WDR62: variants seen among roughly 807,000 people sequenced by gnomAD.
WDR62 encodes the protein WD repeat-containing protein 62.
In WDR62, 112 loss-of-function variants were observed where a neutral mutation model predicts 160.6. The ratio of observed to expected loss-of-function variants is 0.70; its 90% CI spans 0.60 to 0.82. The LOEUF is 0.82. Ranked by LOEUF, WDR62 falls within the 40% of genes least tolerant of loss-of-function variation. WDR62 has a pLI of 0.00. For synonymous variants in WDR62, 792 were observed against 815.1 expected, an observed-to-expected ratio of 0.97 and a Z score of 0.48; for missense variants, 1,819 against 1,983.8, an observed-to-expected ratio of 0.92 and a Z score of 1.58.
At chr19:36,109,666 G>A (rs1008374749), downstream of WDR62, among the ~76,000 whole-genome samples, 9 of 151,892 alleles carry the variant, frequency 5.9e-5, no homozygotes, top group Non-Finnish European at 8.8e-5. Context: ...CCCAGGAGAC[G>A]GAGGCTGCAG....
chr19:36,069,489 C>T (rs370219698), intron 7 of WDR62, among the ~76,000 whole-genome samples: 3 of 151,688 alleles, frequency 2.0e-5, no homozygotes, highest in Non-Finnish European at 2.9e-5. Flanking sequence ...CGGGAAGAGG[C>T]GCTCCTCACT....
chr19:36,067,950 C>T lies in WDR62; in HGVS notation c.822C>T (p.Tyr274=). ...CGGGCAGTACCTTCTGTGTGTCCTA[C>T]TCGGGCCTCCTCTGCCAGTTCAATG... ...RMAGSTFCVS[Y]SGLLCQFNEK... is the part of the protein sequence containing the mutation. The change falls in exon 7 of 32, where the codon TAC becomes TAT. Residue 274 remains tyrosine (Y), a synonymous_variant. Coordinates refer to ENST00000401500, the MANE Select transcript of WDR62 (RefSeq NM_001083961.2). The T allele has an allele frequency of 6.2e-7, 1 of 1,614,200 alleles. No homozygotes were observed. The highest frequency in any genetic ancestry group is 8.5e-7 in the Non-Finnish European group (1 of 1,180,038).
intron 9 of WDR62, chr19:36,073,826 G>A: frequency 2.2e-6 from 1 of 456,352 alleles, no homozygotes; most frequent in South Asian, 1.7e-5. Flanking sequence ...ATTCTAGAGA[G>A]GAGAGGGGTC....
rs1234259290 is a variant in WDR62, at chr19:36,058,850, G to GC, written c.250dup (p.His84ProfsTer25). 1.2e-6 allele frequency: 2 copies of GC among 1,614,192 alleles called. No homozygotes were observed. Among genetic ancestry groups the GC allele is most frequent in the South Asian group, 2.2e-5 (2 of 91,082 alleles). On this transcript the variant is annotated frameshift_variant, in exon 2 of 32. Transcript: ENST00000401500. LOFTEE classifies it high-confidence loss of function. ...GGCCTAACCTGTGACCCCGGCACAGGCCATGTGGCCTACCTGGCAGGGTAA... is the reference window on the plus strand; with the variant it reads ...GGCCTAACCTGTGACCCCGGCACAGGCCCATGTGGCCTACCTGGCAGGGTAA...
Position 36,101,684 on chromosome 19 carries a change from G to T in WDR62, c.2992G>T (p.Asp998Tyr). ...PPEDSGESEA[D>Y]LECSFAAIHS... is the part of the protein sequence containing the mutation. Reference sequence around the variant, plus strand: ...TTCAGACTCGGGGGAGTCAGAGGCCGACCTGGAGTGCAGCTTCGCAGCCAT... The same window carrying T: ...TTCAGACTCGGGGGAGTCAGAGGCCTACCTGGAGTGCAGCTTCGCAGCCAT... Residue 998 changes from aspartate (D) to tyrosine (Y), a missense_variant, in exon 25 of 32, where the codon GAC becomes TAC. Physicochemically the swap from Asp to Tyr is radical, Grantham distance 160 (BLOSUM62 -3). This residue lies in a region of WDR62 where 770 missense variants were observed against 734.2 expected (regional missense o/e 1.05). Coordinates refer to ENST00000401500, the MANE Select transcript of WDR62 (RefSeq NM_001083961.2). 1 of 1,551,006 alleles carries T rather than the reference G, an allele frequency of 6.4e-7. No individual in the cohort carries two copies. The highest frequency in any genetic ancestry group is 1.2e-5 in the South Asian group (1 of 84,050).
In WDR62 at chr19:36,104,502, C is replaced by G; in HGVS notation, c.4154-16C>G. The G allele has an allele frequency of 1.9e-6, 3 of 1,613,180 alleles. No homozygotes were observed. The highest frequency in any genetic ancestry group is 8.5e-7 in the Non-Finnish European group (1 of 1,179,666). On this transcript the variant is annotated splice_polypyrimidine_tract_variant and intron_variant, in intron 30 of 31. Coordinates refer to ENST00000401500, the MANE Select transcript of WDR62 (RefSeq NM_001083961.2). ...GAATGCAGCTCATCTTGCTCATTCC[C>G]TTCTCTCTACCCCAGGTGCACTTGG...
rs777857591 is a variant in WDR62, at chr19:36,055,126, C to T, written c.155C>T (p.Ser52Phe). 28 of 1,608,146 alleles carry T rather than the reference C, an allele frequency of 1.7e-5. No individual in the cohort carries two copies. The East Asian group carries it at 6.3e-4, about 36-fold the overall frequency. ...CGGCGGACGCGACTCTCGACGGCCT[C>T]CGAGGAGACGGTGCAGAACCGGGTG... Reference protein sequence around the residue: ...LRRRTRLSTASEETVQNRVSL... With the variant: ...LRRRTRLSTAFEETVQNRVSL... The change falls in exon 1 of 32, where the codon TCC becomes TTC. Residue 52 changes from serine to phenylalanine, a missense_variant. Physicochemically the swap from Ser to Phe is radical, Grantham distance 155. Transcript: ENST00000401500.
chr19:36,096,991 G>A, intron 20 of WDR62, 36 bp from the exon 21 acceptor site: 2 of 1,592,842 alleles, frequency 1.3e-6, no homozygotes, highest in Middle Eastern at 1.7e-4. Context: ...TTGTTGGGTT[G>A]TTTGTCCTCT....
chr19:36,094,246 C>A, intron 20 of WDR62, 82 bp downstream of exon 20: 1 of 1,567,582 alleles, frequency 6.4e-7, no homozygotes, highest in Non-Finnish European at 8.8e-7. Flanking sequence ...TTTACAGGGC[C>A]TGGCACATAT....
At chr19:36,077,707 T>C (rs1357706001) in intron 9 of WDR62, among the ~76,000 whole-genome samples, 2 of 152,030 alleles carry the variant, frequency 1.3e-5, no homozygotes, top group Non-Finnish European at 2.9e-5. Context: ...GCTATTCCCA[T>C]GCTTCAGTCT....
chr19:36,091,585 AC>A (rs1568356941), intron 18 of WDR62, 120 bp downstream of exon 18: 8 of 993,970 alleles, frequency 8.0e-6, no homozygotes, highest in Non-Finnish European at 1.3e-5. Flanking sequence ...TTGGTGTCAC[AC>A]CCAGCCCTGA....
intron 3 of WDR62, among the ~76,000 whole-genome samples, chr19:36,064,754 T>G (rs953945814): frequency 2.6e-5 from 4 of 151,858 alleles, no homozygotes; most frequent in Non-Finnish European, 2.9e-5. Flanking sequence ...TTTTTTGTAT[T>G]TTTAGTAGAG....
downstream of WDR62, among the ~76,000 whole-genome samples, chr19:36,106,152 T>C (rs1973707607): frequency 6.6e-6 from 1 of 152,198 alleles, no homozygotes; most frequent in Admixed American, 6.5e-5. Context: ...CTCCCAGCAC[T>C]GCTACCAGCT....
chr19:36,073,533 T>TGGGGGGGGGG lies in WDR62; in HGVS notation c.1233+3_1233+4insGGGGGGGGGG. The TGGGGGGGGGG allele has an allele frequency of 6.2e-7, 1 of 1,607,314 alleles. No individual in the cohort carries two copies. ...AGCTCCTACGTTTGGAACGTGGAGG[T>TGGGGGGGGGG]GAGCCCCCCCCCCACCCCCTTGCCC... On this transcript the variant is annotated splice_region_variant and intron_variant, in intron 9 of 31. Coordinates refer to ENST00000401500, the MANE Select transcript of WDR62 (RefSeq NM_001083961.2).
chr19:36,082,449 A>G (rs1971954434), intron 10 of WDR62, among the ~76,000 whole-genome samples: 1 of 152,102 alleles, frequency 6.6e-6, no homozygotes, highest in Admixed American at 6.5e-5. Flanking sequence ...GTGAATTGGA[A>G]AACCTGAAAG....
chr19:36,108,047 C>G (rs947676074), downstream of WDR62, among the ~76,000 whole-genome samples: 2 of 151,988 alleles, frequency 1.3e-5, no homozygotes, highest in Admixed American at 1.3e-4. Context: ...GCTGTTACCA[C>G]CCCCAGGCCA....
intron 21 of WDR62, among the ~76,000 whole-genome samples, chr19:36,097,993 G>A (rs1973078352): frequency 6.6e-6 from 1 of 152,242 alleles, no homozygotes; most frequent in African/African-American, 2.4e-5. Flanking sequence ...TGAAGCAAGT[G>A]AGACAGGCAG....
chr19:36,082,218 T>C (rs969351226), intron 10 of WDR62, among the ~76,000 whole-genome samples: 2 of 152,166 alleles, frequency 1.3e-5, no homozygotes, highest in Non-Finnish European at 1.5e-5. Context: ...CAGCCGACCA[T>C]GTTAATGCAC....
chr19:36,099,362 A>G, intron 21 of WDR62, 37 bp from the exon 22 acceptor site: 1 of 1,584,990 alleles, frequency 6.3e-7, no homozygotes, highest in Non-Finnish European at 8.6e-7. Flanking sequence ...GTGAGTGAGC[A>G]CTCAGCCAGT....
Sources: gnomAD v4.1 joint callset for allele counts (sites outside exome capture counted in the v4.1 genomes callset) on GRCh38, gnomAD v4.1.1 for gene constraint, gnomAD v4.1.1 regional missense constraint, MANE v1.5 for transcripts, NCBI Gene and HGNC (gene_info 2026-07-23, HGNC 2026-07-21) for gene names.